CCSER2: variants seen among roughly 807,000 people sequenced by gnomAD.
CCSER2 encodes coiled-coil serine rich protein 2, also known as serine-rich coiled-coil domain-containing protein 2.
In CCSER2, 46 loss-of-function variants were observed where a neutral mutation model predicts 92.3. The ratio of observed to expected loss-of-function variants is 0.50; its 90% CI spans 0.39 to 0.64. The LOEUF is 0.64. Ranked by LOEUF, CCSER2 falls within the 30% of genes least tolerant of loss-of-function variation. CCSER2 has a pLI of 0.00. For synonymous variants in CCSER2, 433 were observed against 431.4 expected (o/e 1.00, Z -0.04); for missense variants, 1,244 against 1,238.9 (o/e 1.00, Z -0.06).
chr10:84,346,762 A>T (rs944545192), intron 1 of CCSER2, among the ~76,000 whole-genome samples: 34 of 89,572 alleles, frequency 3.8e-4, no homozygotes, highest in East Asian at 2.0e-3. Context: ...CTTTTTTTTT[A>T]TATATATATA....
chr10:84,428,068 T>C (rs754544090), intron 5 of CCSER2, among the ~76,000 whole-genome samples: 2 of 152,162 alleles, frequency 1.3e-5, no homozygotes, highest in Non-Finnish European at 2.9e-5. Flanking sequence ...TTTCCCTCTT[T>C]ATTATAAGCT....
intron 9 of CCSER2, among the ~76,000 whole-genome samples, chr10:84,497,638 A>T (rs1185534734): frequency 6.6e-6 from 1 of 152,240 alleles, no homozygotes; most frequent in African/African-American, 2.4e-5. Context: ...ATCAGTAAAT[A>T]GTTAACTTAG....
intron 6 of CCSER2, among the ~76,000 whole-genome samples, chr10:84,445,059 A>C (rs904839028): frequency 2.6e-5 from 4 of 152,204 alleles, no homozygotes; most frequent in African/African-American, 9.6e-5. Context: ...TGTATAGTTT[A>C]TTGCCTGATT....
chr10:84,389,470 A>C, intron 3 of CCSER2: 1 of 350,582 alleles, frequency 2.9e-6, no homozygotes, highest in Non-Finnish European at 5.6e-6. Flanking sequence ...GTCTATTCTG[A>C]ATAGTCAGTT....
At chr10:84,477,715 G>GT in intron 9 of CCSER2, 51 bp downstream of exon 9, 1 of 997,694 alleles carries the variant, frequency 1.0e-6, no homozygotes, top group Non-Finnish European at 1.6e-6. Flanking sequence ...CTATTTTGAT[G>GT]TTTTATTTCA....
intron 3 of CCSER2, among the ~76,000 whole-genome samples, chr10:84,395,223 T>TA (rs34500936): frequency 0.03 from 3,850 of 129,358 alleles, 113 homozygotes; most frequent in African/African-American, 0.078. Flanking sequence ...GACCCTGTCT[T>TA]AAAAAAAAAA....
At chr10:84,382,061 T>C (rs1840944973) in intron 3 of CCSER2, among the ~76,000 whole-genome samples, 1 of 152,174 alleles carries the variant, frequency 6.6e-6, no homozygotes, top group African/African-American at 2.4e-5. Flanking sequence ...TTCACCTGAT[T>C]TTGCCCCATG....
At chr10:84,333,987 A>G (rs538046052) in intron 1 of CCSER2, among the ~76,000 whole-genome samples, 24 of 152,354 alleles carry the variant, frequency 1.6e-4, no homozygotes, top group Non-Finnish European at 2.9e-4. Context: ...ATAATACAGA[A>G]AGGTCAAGAG....
intron 5 of CCSER2, among the ~76,000 whole-genome samples, chr10:84,434,075 A>G (rs1338878239): frequency 6.6e-6 from 1 of 152,144 alleles, no homozygotes; most frequent in Non-Finnish European, 1.5e-5. Flanking sequence ...TGAATGTTAA[A>G]ATTTATACAG....
chr10:84,507,380 C>G, intron 9 of CCSER2: 1 of 938,718 alleles, frequency 1.1e-6, no homozygotes, highest in Middle Eastern at 5.5e-4. Flanking sequence ...CTCATAATCA[C>G]TTTTTTTGGT....
chr10:84,360,472 G>T (rs186384698), intron 1 of CCSER2, among the ~76,000 whole-genome samples: 34 of 152,308 alleles, frequency 2.2e-4, no homozygotes, highest in African/African-American at 7.5e-4. Context: ...ACTATTTATA[G>T]GAGTAGAAGC....
chr10:84,475,029 G>A (rs1272114134), intron 8 of CCSER2, among the ~76,000 whole-genome samples: 2 of 152,144 alleles, frequency 1.3e-5, no homozygotes, highest in African/African-American at 4.8e-5. Context: ...CAAGATGTCT[G>A]TTGCTCTGTG....
At chr10:84,451,548 G>A (rs1845291788) in intron 6 of CCSER2, among the ~76,000 whole-genome samples, 1 of 151,930 alleles carries the variant, frequency 6.6e-6, no homozygotes, top group Admixed American at 6.6e-5. Flanking sequence ...TTGAGGAGTT[G>A]GATATTTTTT....
At chr10:84,492,030 A>G (rs1380422692) in intron 9 of CCSER2, among the ~76,000 whole-genome samples, 2 of 152,210 alleles carry the variant, frequency 1.3e-5, no homozygotes, top group Non-Finnish European at 2.9e-5. Context: ...CTGTAATCCC[A>G]GCACTTTGAG....
chr10:84,431,157 CTG>C (rs111859216), intron 5 of CCSER2, among the ~76,000 whole-genome samples: 19,230 of 152,086 alleles, frequency 0.13, 1,473 homozygotes, highest in Admixed American at 0.23. Flanking sequence ...AGGGTTCACT[CTG>C]TTTTGTATAT....
In CCSER2 at chr10:84,383,780, A is replaced by G. The variant is rs183241560; in HGVS notation, c.1614+9965A>G. 2.2e-4 allele frequency among the ~76,000 whole-genome samples: 33 copies of G among 152,350 alleles called. No homozygotes were observed. In the East Asian group the frequency reaches 5.8e-3, roughly 27 times the overall value. ...GTTGTTGCTTTAAATCTGTATCTGAATAACAAAGATCAGAGCAGAACTAAA... is the reference window on the plus strand; with the variant it reads ...GTTGTTGCTTTAAATCTGTATCTGAGTAACAAAGATCAGAGCAGAACTAAA... On this transcript the variant is annotated intron_variant, in intron 3 of 9. Transcript: ENST00000372088.
intron 5 of CCSER2, among the ~76,000 whole-genome samples, chr10:84,429,688 C>A (rs1214528728): frequency 7.0e-6 from 1 of 143,008 alleles, no homozygotes; most frequent in Non-Finnish European, 1.5e-5. Context: ...TTATAATGCG[C>A]CTCTCTTTTA....
intron 9 of CCSER2, among the ~76,000 whole-genome samples, chr10:84,494,162 A>G (rs1848318626): frequency 6.6e-6 from 1 of 152,194 alleles, no homozygotes; most frequent in Non-Finnish European, 1.5e-5. Context: ...TCAGGTTGCT[A>G]ATAGCCCATG....
intron 3 of CCSER2, among the ~76,000 whole-genome samples, chr10:84,416,189 G>C (rs1842879681): frequency 6.6e-6 from 1 of 152,138 alleles, no homozygotes; most frequent in Non-Finnish European, 1.5e-5. Context: ...CAGAGGTTGG[G>C]GGTTCCTTTG....
Sources: gnomAD v4.1 joint callset for allele counts (sites outside exome capture counted in the v4.1 genomes callset) on GRCh38, gnomAD v4.1.1 for gene constraint, MANE v1.5 for transcripts, NCBI Gene and HGNC (gene_info 2026-07-23, HGNC 2026-07-21) for gene names.